SNX25: variants seen among roughly 807,000 people sequenced by gnomAD.
SNX25 encodes sorting nexin 25, also known as sorting nexin-25.
SNX25 carries 62 observed loss-of-function variants against 113.7 expected under a neutral mutation model. That is an observed-to-expected ratio of 0.55 (90% CI 0.44 to 0.67). The LOEUF (loss-of-function observed/expected upper bound fraction) is 0.67, where lower values mean the gene tolerates loss of function less well. SNX25 is among the 30% of genes least tolerant of loss of function. The probability of loss-of-function intolerance (pLI) is 0.00; values close to 1 mark genes in which losing one functional copy is unlikely to be tolerated. For synonymous variants in SNX25, 421 were observed against 436.2 expected (o/e 0.97, Z 0.43); for missense variants, 1,014 against 1,161.0 (o/e 0.87, Z 1.84).
At chr4:185,375,507 T>TTTA in the SNX25 span, 1 of 74,964 alleles carries the variant, frequency 1.3e-5, no homozygotes, top group African/African-American at 7.0e-5. Context: ...TATATATATA[T>TTTA]ATATATATGT....
intron 10 of SNX25, among the ~76,000 whole-genome samples, chr4:185,337,397 C>T (rs1182449986): frequency 6.6e-6 from 1 of 152,168 alleles, no homozygotes. Context: ...CAGGGTTCAT[C>T]CATGTGGTAG....
At chr4:185,222,936 A>G (rs1740226693) in intron 1 of SNX25, among the ~76,000 whole-genome samples, 1 of 152,246 alleles carries the variant, frequency 6.6e-6, no homozygotes, top group Admixed American at 6.5e-5. Context: ...GTGATAGCAT[A>G]TGTAAAATAA....
rs950373750 is a variant in SNX25 at position 185,334,564 on chromosome 4, A to G, written c.1914+1805A>G. 2.6e-5 allele frequency among the ~76,000 whole-genome samples: 4 copies of G among 152,222 alleles called. No individual in the cohort carries two copies. Among genetic ancestry groups the G allele is most frequent in the Non-Finnish European group, 5.9e-5 (4 of 68,028 alleles). Reference sequence around the variant, plus strand: ...GCATGGCAGATAATCAGTATCTGCAATATGGCATGTTCTTTAAGAACAGTT... The same window carrying G: ...GCATGGCAGATAATCAGTATCTGCAGTATGGCATGTTCTTTAAGAACAGTT... On this transcript the variant is annotated intron_variant, in intron 10 of 18. Coordinates refer to ENST00000652585, the MANE Select transcript of SNX25 (RefSeq NM_001378034.2). This position sits in a 1 kb window ranked among gnomAD's most constrained non-coding sequence, Gnocchi z 4.2.
At chr4:185,217,205 G>A (rs3112889) in intron 1 of SNX25, among the ~76,000 whole-genome samples, 89,261 of 151,188 alleles carry the variant, frequency 0.59, 26,534 homozygotes, top group Non-Finnish European at 0.64. Context: ...CCGAGCCAAG[G>A]TCGCACCACT....
chr4:185,360,409 G>A (rs1168994782), intron 16 of SNX25, among the ~76,000 whole-genome samples: 1 of 152,176 alleles, frequency 6.6e-6, no homozygotes, highest in Non-Finnish European at 1.5e-5. Context: ...TGTTATTTCT[G>A]AAACCTTGTG....
intron 6 of SNX25, among the ~76,000 whole-genome samples, chr4:185,290,769 C>G (rs1292116634): frequency 6.7e-6 from 1 of 148,940 alleles, no homozygotes; most frequent in Non-Finnish European, 1.5e-5. Flanking sequence ...CTAAAATGAT[C>G]AAAAAGGTCA....
chr4:185,367,311 T>C, downstream of SNX25: 1 of 1,406,780 alleles, frequency 7.1e-7, no homozygotes, highest in Admixed American at 2.2e-5. Flanking sequence ...TTCTTTTTTT[T>C]TTTTTCTTTT....
intron 5 of SNX25, among the ~76,000 whole-genome samples, chr4:185,272,581 G>T (rs1297896591): frequency 6.6e-6 from 1 of 152,126 alleles, no homozygotes; most frequent in African/African-American, 2.4e-5. Context: ...GTCTGGAGGG[G>T]AATCCGGGCA....
At chr4:185,275,033 C>T (rs765740038) in intron 5 of SNX25, among the ~76,000 whole-genome samples, 2 of 152,152 alleles carry the variant, frequency 1.3e-5, no homozygotes, top group Admixed American at 6.5e-5. Flanking sequence ...TTGTGAGTCT[C>T]GGCTGGCACT....
At chr4:185,299,488 C>T (rs947609517) in intron 6 of SNX25, among the ~76,000 whole-genome samples, 1 of 152,264 alleles carries the variant, frequency 6.6e-6, no homozygotes, top group Admixed American at 6.5e-5. Flanking sequence ...CTGTAGATCT[C>T]GAGTGCGCCC....
At chr4:185,284,631 G>A (rs888593554) in intron 5 of SNX25, among the ~76,000 whole-genome samples, 5 of 152,176 alleles carry the variant, frequency 3.3e-5, no homozygotes, top group African/African-American at 1.2e-4. Flanking sequence ...AGTTGTGAAG[G>A]GAACGTAGGC....
chr4:185,271,364 T>C (rs952766251), intron 5 of SNX25, among the ~76,000 whole-genome samples: 1 of 152,168 alleles, frequency 6.6e-6, no homozygotes, highest in African/African-American at 2.4e-5. Context: ...CTGCAACCTC[T>C]GCCTCCGGGT....
At chr4:185,277,715 A>ATTACCT in intron 5 of SNX25, among the ~76,000 whole-genome samples, 1 of 80,630 alleles carries the variant, frequency 1.2e-5, no homozygotes, top group Middle Eastern at 6.2e-3. Context: ...TTGAGTACTT[A>ATTACCT]TTACCTTTTT....
chr4:185,281,175 G>C (rs988112919), intron 5 of SNX25, among the ~76,000 whole-genome samples: 1 of 151,594 alleles, frequency 6.6e-6, no homozygotes, highest in Non-Finnish European at 1.5e-5. Flanking sequence ...AGGTTGATTG[G>C]GCTAAAATGC....
chr4:185,277,434 T>C (rs2126579358), intron 5 of SNX25, among the ~76,000 whole-genome samples: 1 of 152,282 alleles, frequency 6.6e-6, no homozygotes, highest in East Asian at 1.9e-4. Context: ...AGAAGATGTG[T>C]GCTGGTCGTT....
At chr4:185,353,271 A>T (rs539746083) in intron 14 of SNX25, 49 of 429,408 alleles carry the variant, frequency 1.1e-4, no homozygotes, top group African/African-American at 3.3e-4. Context: ...ATTTTTTTTT[A>T]AATTAGCTTA....
intron 11 of SNX25, among the ~76,000 whole-genome samples, chr4:185,341,674 T>G (rs771283607): frequency 6.6e-6 from 1 of 152,246 alleles, no homozygotes; most frequent in Non-Finnish European, 1.5e-5. Context: ...AACTGAGATA[T>G]CTGTTTTCTT....
At chr4:185,347,510 G>T (rs955471625) in intron 13 of SNX25, among the ~76,000 whole-genome samples, 1 of 151,652 alleles carries the variant, frequency 6.6e-6, no homozygotes, top group Non-Finnish European at 1.5e-5. Context: ...CGCTCTTGTT[G>T]CCCAGGCTGG....
chr4:185,217,444 A>C (rs982546934), intron 1 of SNX25, among the ~76,000 whole-genome samples: 1 of 152,146 alleles, frequency 6.6e-6, no homozygotes, highest in Admixed American at 6.6e-5. Context: ...CTTTTAAACA[A>C]TAAATTCAAC....
Sources: allele counts gnomAD v4.1 joint callset (sites outside exome capture counted in the v4.1 genomes callset), GRCh38; gene constraint gnomAD v4.1.1; non-coding constraint Gnocchi (gnomAD v3.1); transcripts MANE v1.5; gene names NCBI Gene and HGNC (gene_info 2026-07-23, HGNC 2026-07-21).